Variants in NR2F1-AS1 observed in about 807,000 individuals in gnomAD.
The protein encoded by NR2F1-AS1 is NR2F1 regulatory antisense RNA 1.
At chr5:93,505,309 G>A (rs933746299) in intron 4 of NR2F1-AS1, among the ~76,000 whole-genome samples, 15 of 152,144 alleles carry the variant, frequency 9.9e-5, no homozygotes, top group African/African-American at 3.6e-4. Context: ...TGCTTTCACA[G>A]GCTAATGTTG....
At chr5:93,540,512 A>G (rs939906379) in intron 4 of NR2F1-AS1, among the ~76,000 whole-genome samples, 1 of 152,180 alleles carries the variant, frequency 6.6e-6, no homozygotes. Context: ...TCTGCTTGCC[A>G]GCATCCATTT....
At chr5:93,414,107 A>G (rs551661467) in intron 4 of NR2F1-AS1, among the ~76,000 whole-genome samples, 1 of 152,342 alleles carries the variant, frequency 6.6e-6, no homozygotes, top group East Asian at 1.9e-4. Flanking sequence ...GAATATTTAC[A>G]TATAACATAT....
At chr5:93,480,041 G>T (rs1561459752) in intron 4 of NR2F1-AS1, among the ~76,000 whole-genome samples, 1 of 151,890 alleles carries the variant, frequency 6.6e-6, no homozygotes, top group Non-Finnish European at 1.5e-5. Context: ...GGACTTATAG[G>T]ACATCATCAA....
chr5:93,506,741 G>A (rs1268111273), intron 4 of NR2F1-AS1, among the ~76,000 whole-genome samples: 1 of 151,990 alleles, frequency 6.6e-6, no homozygotes, highest in Non-Finnish European at 1.5e-5. Flanking sequence ...AGCTCCCCCG[G>A]GTCCCTCCCA....
At chr5:93,565,838 A>C (rs1752606244) in intron 1 of NR2F1-AS1, among the ~76,000 whole-genome samples, 1 of 151,580 alleles carries the variant, frequency 6.6e-6, no homozygotes, top group Non-Finnish European at 1.5e-5. Flanking sequence ...TAAAATATAT[A>C]TATATATAAC....
At chr5:93,573,815 C>T (rs551014334) in intron 1 of NR2F1-AS1, among the ~76,000 whole-genome samples, 1 of 152,212 alleles carries the variant, frequency 6.6e-6, no homozygotes, top group Non-Finnish European at 1.5e-5. Flanking sequence ...CCATCTATCA[C>T]GCCAACCTGG....
At chr5:93,512,121 T>C (rs970512771) in intron 4 of NR2F1-AS1, among the ~76,000 whole-genome samples, 2 of 152,318 alleles carry the variant, frequency 1.3e-5, no homozygotes, top group East Asian at 1.9e-4. Flanking sequence ...ATTATTATCA[T>C]AGAAGATGAC....
intron 1 of NR2F1-AS1, among the ~76,000 whole-genome samples, chr5:93,565,567 T>C (rs2149923153): frequency 6.6e-6 from 1 of 152,212 alleles, no homozygotes; most frequent in East Asian, 1.9e-4. Context: ...GTACTGTTAA[T>C]ATTTTATTTC....
chr5:93,581,336 A>T (rs1278313437), upstream of NR2F1-AS1: 4 of 152,182 alleles, frequency 2.6e-5, no homozygotes, highest in Non-Finnish European at 4.4e-5. Flanking sequence ...GAGCCTGCCT[A>T]GGGGAGCGAT....
chr5:93,566,691 A>G (rs1046300260), intron 1 of NR2F1-AS1, among the ~76,000 whole-genome samples: 3 of 151,684 alleles, frequency 2.0e-5, no homozygotes, highest in African/African-American at 7.2e-5. Context: ...AATCAATATC[A>G]AGAACCTTAA....
At chr5:93,573,156 G>A (rs79835613) in intron 1 of NR2F1-AS1, among the ~76,000 whole-genome samples, 2,965 of 152,360 alleles carry the variant, frequency 0.019, 93 homozygotes, top group African/African-American at 0.067. Flanking sequence ...TCGCAAGACC[G>A]CAGCTCCCTG....
At chr5:93,453,261 G>A (rs1057211396) in intron 4 of NR2F1-AS1, among the ~76,000 whole-genome samples, 1 of 151,720 alleles carries the variant, frequency 6.6e-6, no homozygotes, top group Non-Finnish European at 1.5e-5. Flanking sequence ...AAGCTACCCA[G>A]AACAAAACAC....
chr5:93,570,977 G>T (rs908392085), intron 1 of NR2F1-AS1: 2 of 152,244 alleles, frequency 1.3e-5, no homozygotes, highest in Non-Finnish European at 2.9e-5. Context: ...AAATTCGTTC[G>T]CAAGGGAGCG....
At chr5:93,417,190 A>C (rs1486175060) in intron 4 of NR2F1-AS1, among the ~76,000 whole-genome samples, 3 of 152,242 alleles carry the variant, frequency 2.0e-5, no homozygotes, top group Non-Finnish European at 2.9e-5. Flanking sequence ...ACTATTTATT[A>C]GCTCAGCAAA....
At chr5:93,443,480 G>C (rs1378653765) in intron 4 of NR2F1-AS1, among the ~76,000 whole-genome samples, 2 of 152,086 alleles carry the variant, frequency 1.3e-5, no homozygotes, top group African/African-American at 4.8e-5. Context: ...GAAATGAAGT[G>C]AGAAGAGAAG....
chr5:93,541,232 G>A (rs1206770294), intron 4 of NR2F1-AS1, among the ~76,000 whole-genome samples: 1 of 152,136 alleles, frequency 6.6e-6, no homozygotes, highest in Admixed American at 6.6e-5. Context: ...ACAATCAATT[G>A]GTTTCCATGG....
intron 4 of NR2F1-AS1, among the ~76,000 whole-genome samples, chr5:93,437,532 A>G (rs1749469127): frequency 6.6e-6 from 1 of 152,180 alleles, no homozygotes; most frequent in Non-Finnish European, 1.5e-5. Flanking sequence ...GGCAAAAGTC[A>G]CAGTTATAAG....
At chr5:93,536,084 A>T (rs1345232193) in intron 4 of NR2F1-AS1, among the ~76,000 whole-genome samples, 1 of 152,318 alleles carries the variant, frequency 6.6e-6, no homozygotes, top group Non-Finnish European at 1.5e-5. Flanking sequence ...GAATAAATGA[A>T]TTCAGTAAAG....
upstream of NR2F1-AS1, among the ~76,000 whole-genome samples, chr5:93,582,060 CCTCTCCTCTCTCTCTGTCTCTCT>C (rs1753107147): frequency 7.3e-6 from 1 of 137,590 alleles, no homozygotes; most frequent in African/African-American, 2.7e-5. Flanking sequence ...TCTTTCCTTT[CCTCTCCTCTCTCTCTGTCTCTCT>C]CTCTCCTCCT....
Sources: gnomAD v4.1 joint callset for allele counts (sites outside exome capture counted in the v4.1 genomes callset) on GRCh38, gnomAD v4.1.1 for gene constraint, MANE v1.5 for transcripts, NCBI Gene and HGNC (gene_info 2026-07-23, HGNC 2026-07-21) for gene names.